CDH13: variants seen among roughly 807,000 people sequenced by gnomAD.
The protein encoded by CDH13 is cadherin-13.
A neutral mutation model predicts 63.8 loss-of-function variants in CDH13; 24 were observed. The observed-to-expected ratio is 0.38, with a 90% CI of 0.27 to 0.53. The LOEUF (loss-of-function observed/expected upper bound fraction) is 0.53, where lower values mean the gene tolerates loss of function less well. CDH13 is among the 20% of genes least tolerant of loss of function. The pLI is 0.85. For missense variants in CDH13, 1,049 were observed against 903.1 expected (o/e 1.16, Z -2.07); for synonymous variants, 503 against 355.3 (o/e 1.42, Z -4.67).
At chr16:82,947,239 A>G (rs1385449603) in intron 2 of CDH13, among the ~76,000 whole-genome samples, 1 of 152,104 alleles carries the variant, frequency 6.6e-6, no homozygotes, top group Non-Finnish European at 1.5e-5. Context: ...TCAGTTGGCA[A>G]TTTGTATTTC....
chr16:83,699,865 C>T (rs545210417), intron 10 of CDH13, among the ~76,000 whole-genome samples: 1 of 152,320 alleles, frequency 6.6e-6, no homozygotes, highest in East Asian at 1.9e-4. Flanking sequence ...CCAGCCTCAG[C>T]ACATATTGGG....
intron 6 of CDH13, among the ~76,000 whole-genome samples, chr16:83,375,331 C>T (rs2091440678): frequency 6.6e-6 from 1 of 152,182 alleles, no homozygotes; most frequent in African/African-American, 2.4e-5. Context: ...GGACTGAGCT[C>T]ATGGTTTGTG....
intron 3 of CDH13, among the ~76,000 whole-genome samples, chr16:83,122,416 T>G (rs2151639600): frequency 6.6e-6 from 1 of 152,350 alleles, no homozygotes; most frequent in African/African-American, 2.4e-5. Context: ...TTGAACACAT[T>G]TAATTAAAAA....
At chr16:83,218,783 A>T (rs1039524511) in intron 5 of CDH13, among the ~76,000 whole-genome samples, 1 of 152,172 alleles carries the variant, frequency 6.6e-6, no homozygotes, top group African/African-American at 2.4e-5. Context: ...AGCTCTGAGA[A>T]TTCACACGTG....
At chr16:82,665,836 C>CA (rs1187605505) in intron 1 of CDH13, among the ~76,000 whole-genome samples, 2 of 152,060 alleles carry the variant, frequency 1.3e-5, no homozygotes, top group Admixed American at 1.3e-4. Flanking sequence ...TACAGGAGGG[C>CA]AAAATCATTG....
At chr16:82,748,716 G>C (rs937857997) in intron 1 of CDH13, among the ~76,000 whole-genome samples, 2 of 152,142 alleles carry the variant, frequency 1.3e-5, no homozygotes, top group Non-Finnish European at 2.9e-5. Flanking sequence ...CTAGAGAGCT[G>C]GGGTACACGT....
At chr16:83,046,313 A>G (rs1041614686) in intron 3 of CDH13, among the ~76,000 whole-genome samples, 2 of 152,206 alleles carry the variant, frequency 1.3e-5, no homozygotes, top group African/African-American at 2.4e-5. Flanking sequence ...CAACCATCAA[A>G]AAACAAATAT....
intron 1 of CDH13, among the ~76,000 whole-genome samples, chr16:82,758,069 T>C (rs2034686330): frequency 6.6e-6 from 1 of 152,120 alleles, no homozygotes; most frequent in Admixed American, 6.5e-5. Flanking sequence ...ATCTCATCTT[T>C]GTTCATGACC....
intron 8 of CDH13, among the ~76,000 whole-genome samples, chr16:83,644,344 C>T (rs1911591081): frequency 6.6e-6 from 1 of 152,102 alleles, no homozygotes; most frequent in African/African-American, 2.4e-5. Context: ...TATAGATGTC[C>T]CACCATTTGA....
intron 7 of CDH13, among the ~76,000 whole-genome samples, chr16:83,559,528 G>C (rs575440865): frequency 6.6e-6 from 1 of 151,678 alleles, no homozygotes; most frequent in South Asian, 2.1e-4. Flanking sequence ...CCAAGATCAT[G>C]TCATTGCACT....
chr16:82,661,357 C>A (rs541279757), intron 1 of CDH13, among the ~76,000 whole-genome samples: 1 of 152,156 alleles, frequency 6.6e-6, no homozygotes, highest in South Asian at 2.1e-4. Context: ...CAGATAGGAA[C>A]GGGTAATTGA....
rs192214100 is a variant in CDH13 at position 83,432,139 on chromosome 16, G to A, written c.782-54338G>A. Among the ~76,000 whole-genome samples, 9 of 152,212 alleles carry A rather than the reference G, an allele frequency of 5.9e-5. No individual in the cohort carries two copies. In the East Asian group the frequency reaches 1.7e-3, roughly 29 times the overall value. On this transcript the variant is annotated intron_variant, in intron 6 of 13. Transcript: ENST00000567109. ...TTGCTGTTGAGAGTGGTCAGATTGT[G>A]GTATATTGCCAGTTGCACAGCTGGA...
chr16:82,704,729 T>G (rs1367774622), intron 1 of CDH13, among the ~76,000 whole-genome samples: 1 of 152,200 alleles, frequency 6.6e-6, no homozygotes, highest in Non-Finnish European at 1.5e-5. Context: ...AGCCCTGGCT[T>G]ATTAGAATCT....
chr16:83,457,501 C>G (rs989592740), intron 6 of CDH13, among the ~76,000 whole-genome samples: 1 of 152,126 alleles, frequency 6.6e-6, no homozygotes, highest in Non-Finnish European at 1.5e-5. Context: ...TGTCTGCCAC[C>G]CAGCCCCAGC....
chr16:83,168,335 A>G (rs940020498), intron 4 of CDH13, among the ~76,000 whole-genome samples: 3 of 152,082 alleles, frequency 2.0e-5, no homozygotes, highest in Non-Finnish European at 2.9e-5. Flanking sequence ...AGATATTTAC[A>G]CACACACTCA....
At chr16:83,619,526 G>C (rs1909611191) in intron 8 of CDH13, among the ~76,000 whole-genome samples, 1 of 152,252 alleles carries the variant, frequency 6.6e-6, no homozygotes, top group African/African-American at 2.4e-5. Flanking sequence ...TGGCAGGGTT[G>C]GTTCCTTTGG....
intron 5 of CDH13, among the ~76,000 whole-genome samples, chr16:83,323,239 TTTCCTTCC>T (rs35173201): frequency 1.8e-5 from 2 of 110,856 alleles, no homozygotes; most frequent in African/African-American, 3.4e-5. Context: ...TCTTTCTTTC[TTTCCTTCC>T]TTCCTTCTTT....
At chr16:83,512,898 C>G (rs73605835) in intron 7 of CDH13, among the ~76,000 whole-genome samples, 1,747 of 152,044 alleles carry the variant, frequency 0.011, 35 homozygotes, top group African/African-American at 0.04. Context: ...TCAACAAACC[C>G]TCTAGATGAT....
At chr16:83,503,472 G>T (rs1237565780) in intron 7 of CDH13, among the ~76,000 whole-genome samples, 1 of 152,126 alleles carries the variant, frequency 6.6e-6, no homozygotes, top group African/African-American at 2.4e-5. Flanking sequence ...GAGGCCGGAA[G>T]GGGAAGAGAA....
Sources: allele counts gnomAD v4.1 joint callset (sites outside exome capture counted in the v4.1 genomes callset), GRCh38; gene constraint gnomAD v4.1.1; transcripts MANE v1.5; gene names NCBI Gene and HGNC (gene_info 2026-07-23, HGNC 2026-07-21).